Variants in EPHA5 observed in about 807,000 individuals in gnomAD.
The protein encoded by EPHA5 is ephrin type-A receptor 5.
A neutral mutation model predicts 105.0 loss-of-function variants in EPHA5; 60 were observed. The ratio of observed to expected loss-of-function variants is 0.57; its 90% CI spans 0.46 to 0.71. EPHA5 has a LOEUF of 0.71. Ranked by LOEUF, EPHA5 falls within the 30% of genes least tolerant of loss-of-function variation. The pLI, the probability that EPHA5 is intolerant of heterozygous loss-of-function variation, is 0.00. For missense variants in EPHA5, 1,218 were observed against 1,274.7 expected (o/e 0.96, Z 0.68); for synonymous variants, 513 against 449.1 (o/e 1.14, Z -1.80).
intron 16 of EPHA5, chr4:65,331,581 G>T: frequency 9.4e-7 from 1 of 1,060,198 alleles, no homozygotes; most frequent in Non-Finnish European, 1.1e-6. Context: ...AAATATGTTT[G>T]GTCCTTATGT....
At chr4:65,586,647 T>G (rs531329769) in intron 3 of EPHA5, among the ~76,000 whole-genome samples, 21 of 150,938 alleles carry the variant, frequency 1.4e-4, no homozygotes, top group African/African-American at 4.4e-4. Context: ...TCCCAATGTG[T>G]TTTTTTTTCT....
chr4:65,608,062 C>T (rs1744408064), intron 2 of EPHA5, among the ~76,000 whole-genome samples: 1 of 152,036 alleles, frequency 6.6e-6, no homozygotes, highest in East Asian at 1.9e-4. Flanking sequence ...GAGTGGGCGG[C>T]TAGGGGAGGG....
chr4:65,362,149 A>G (rs940215763), intron 11 of EPHA5, among the ~76,000 whole-genome samples: 1 of 151,550 alleles, frequency 6.6e-6, no homozygotes, highest in Non-Finnish European at 1.5e-5. Flanking sequence ...AAATCACAGA[A>G]GGAATTTGAA....
chr4:65,379,791 C>T lies in EPHA5; in HGVS notation c.1794-12367G>A, dbSNP rs796451100. Among the ~76,000 whole-genome samples, 90 of 151,536 alleles carry T rather than the reference C, an allele frequency of 5.9e-4. 2 individuals carry two copies. The highest frequency in any genetic ancestry group is 2.1e-3 in the African/African-American group (89 of 41,442). ...CATTCAGATTAACTAATATAAATACCTAATGGCCAATGTAATTTAAAAAAT... is the reference window on the plus strand; with the variant it reads ...CATTCAGATTAACTAATATAAATACTTAATGGCCAATGTAATTTAAAAAAT... On this transcript the variant is annotated intron_variant, in intron 8 of 16. Coordinates refer to ENST00000613740, the MANE Select transcript of EPHA5 (RefSeq NM_001281766.3).
chr4:65,331,189 A>C, intron 16 of EPHA5: 1 of 1,028,342 alleles, frequency 9.7e-7, no homozygotes, highest in South Asian at 4.7e-5. Flanking sequence ...TCACAGGTTA[A>C]AACATTAATG....
intron 8 of EPHA5, among the ~76,000 whole-genome samples, chr4:65,385,083 C>A (rs1187709220): frequency 6.6e-6 from 1 of 151,508 alleles, no homozygotes; most frequent in Admixed American, 6.6e-5. Flanking sequence ...AATTTGAAAG[C>A]AAATAAAGTT....
chr4:65,332,114 A>G lies in EPHA5; in HGVS notation c.2804T>C (p.Leu935Ser). 6.2e-7 allele frequency: 1 copy of G among 1,600,212 alleles called. No homozygotes were observed. The highest frequency in any genetic ancestry group is 2.2e-5 in the East Asian group (1 of 44,708). ...AGATCCTAGTGGGCTATGTTCTGCC[A>G]ATAAATTAGATACTCTAAAACACAT... ...VNASCRVSNL[L>S]AEHSPLGSGA... The change falls in exon 16 of 17, where the codon TTG becomes TCG. Residue 935 changes from leucine to serine, a missense_variant. By Grantham distance (145) the Leu-to-Ser change is moderately radical (BLOSUM62 -2). This residue lies in a region of EPHA5 where 971 missense variants were observed against 1,013.5 expected (regional missense o/e 0.96). Transcript: ENST00000613740.
intron 3 of EPHA5, among the ~76,000 whole-genome samples, chr4:65,510,337 G>C (rs536838536): frequency 5.3e-5 from 8 of 151,608 alleles, no homozygotes; most frequent in Non-Finnish European, 1.2e-4. Flanking sequence ...GAGCCACTAC[G>C]CTCGGTGGAT....
chr4:65,446,560 A>G (rs1214955192), intron 5 of EPHA5, among the ~76,000 whole-genome samples: 1 of 152,198 alleles, frequency 6.6e-6, no homozygotes, highest in South Asian at 2.1e-4. Context: ...GGGAACACAT[A>G]TGTAAAACAC....
chr4:65,596,312 G>C (rs1218113635), intron 3 of EPHA5, among the ~76,000 whole-genome samples: 10 of 152,116 alleles, frequency 6.6e-5, no homozygotes, highest in Non-Finnish European at 1.5e-4. Context: ...TGTGAAAATG[G>C]GGAGTGGGGT....
chr4:65,554,341 G>C (rs1404627302), intron 3 of EPHA5, among the ~76,000 whole-genome samples: 2 of 150,032 alleles, frequency 1.3e-5, no homozygotes, highest in African/African-American at 4.9e-5. Flanking sequence ...TTATGTACTT[G>C]GCTATAATTT....
intron 5 of EPHA5, among the ~76,000 whole-genome samples, chr4:65,427,185 C>CT (rs11443682): frequency 0.88 from 113,807 of 129,046 alleles, 51,103 homozygotes; most frequent in Non-Finnish European, 0.96. Context: ...CGAGTGTATT[C>CT]TTTTTTTTTT....
chr4:65,490,129 T>G (rs2149211130), intron 5 of EPHA5, among the ~76,000 whole-genome samples: 1 of 152,378 alleles, frequency 6.6e-6, no homozygotes, highest in South Asian at 2.1e-4. Context: ...AATGTATTTC[T>G]AATGAAAAAA....
At chr4:65,443,904 C>CGT (rs746248523) in intron 5 of EPHA5, among the ~76,000 whole-genome samples, 1 of 85,170 alleles carries the variant, frequency 1.2e-5, no homozygotes, top group Non-Finnish European at 2.7e-5. Flanking sequence ...TGTTTGTGTG[C>CGT]CTGTGTGTGT....
chr4:65,572,593 A>G (rs1740304675), intron 3 of EPHA5, among the ~76,000 whole-genome samples: 1 of 152,252 alleles, frequency 6.6e-6, no homozygotes, highest in Admixed American at 6.5e-5. Flanking sequence ...AAAAGTTTGT[A>G]TAGCAATTGT....
At chr4:65,518,607 G>C (rs1734344818) in intron 3 of EPHA5, among the ~76,000 whole-genome samples, 1 of 151,982 alleles carries the variant, frequency 6.6e-6, no homozygotes, top group African/African-American at 2.4e-5. Context: ...AGCCTAGTTT[G>C]ACATGCATAG....
chr4:65,424,500 TTC>T (rs1197638065), intron 5 of EPHA5, among the ~76,000 whole-genome samples: 1 of 152,106 alleles, frequency 6.6e-6, no homozygotes, highest in Non-Finnish European at 1.5e-5. Flanking sequence ...TGACATCTTA[TTC>T]TTCAGGTACA....
chr4:65,324,990 T>C (rs971629256), intron 16 of EPHA5, among the ~76,000 whole-genome samples: 2 of 151,432 alleles, frequency 1.3e-5, no homozygotes, highest in Admixed American at 6.6e-5. Flanking sequence ...TTTTCAACGT[T>C]CTTTTACAGG....
intron 11 of EPHA5, among the ~76,000 whole-genome samples, chr4:65,363,772 C>G (rs537338074): frequency 6.6e-6 from 1 of 151,576 alleles, no homozygotes; most frequent in East Asian, 1.9e-4. Flanking sequence ...CGGTATCTAT[C>G]GACACTTGCT....
Sources: gnomAD v4.1 joint callset for allele counts (sites outside exome capture counted in the v4.1 genomes callset) on GRCh38, gnomAD v4.1.1 for gene constraint, gnomAD v4.1.1 regional missense constraint, MANE v1.5 for transcripts, NCBI Gene and HGNC (gene_info 2026-07-23, HGNC 2026-07-21) for gene names.